GFRA1: variants seen among roughly 807,000 people sequenced by gnomAD.
GFRA1 encodes GDNF family receptor alpha-1.
GFRA1 carries 16 observed loss-of-function variants against 51.6 expected under a neutral mutation model. That is an observed-to-expected ratio of 0.31 (90% CI 0.21 to 0.47). The LOEUF is 0.47. GFRA1 is among the 20% of genes least tolerant of loss of function. GFRA1 has a pLI of 1.00. For synonymous variants in GFRA1, 270 were observed against 241.3 expected, an observed-to-expected ratio of 1.12 and a Z score of -1.10; for missense variants, 530 against 594.3, an observed-to-expected ratio of 0.89 and a Z score of 1.13.
At chr10:116,203,548 A>G (rs911396465) in intron 5 of GFRA1, among the ~76,000 whole-genome samples, 2 of 152,244 alleles carry the variant, frequency 1.3e-5, no homozygotes, top group Non-Finnish European at 2.9e-5. Context: ...GGGAAGGGAC[A>G]TCAGAGAGAG....
chr10:116,092,785 G>A (rs886442793), intron 8 of GFRA1, among the ~76,000 whole-genome samples: 2 of 150,148 alleles, frequency 1.3e-5, no homozygotes, highest in Middle Eastern at 3.4e-3. Context: ...TACAGTAAAT[G>A]AGAATGTATA....
chr10:116,167,996 G>A (rs1237742057), intron 5 of GFRA1, among the ~76,000 whole-genome samples: 4 of 152,108 alleles, frequency 2.6e-5, no homozygotes, highest in Non-Finnish European at 2.9e-5. Flanking sequence ...TGGGTACGGT[G>A]TACACTGCTT....
intron 4 of GFRA1, among the ~76,000 whole-genome samples, chr10:116,253,293 C>T (rs1277396314): frequency 6.6e-6 from 1 of 152,220 alleles, no homozygotes; most frequent in African/African-American, 2.4e-5. Flanking sequence ...GTCCAGTCAG[C>T]CAGGGCAGGC....
intron 5 of GFRA1, among the ~76,000 whole-genome samples, chr10:116,189,766 TA>T (rs1330712902): frequency 6.6e-6 from 1 of 152,240 alleles, no homozygotes; most frequent in Non-Finnish European, 1.5e-5. Context: ...TGTTATCCAG[TA>T]AAATGCTTTT....
intron 4 of GFRA1, among the ~76,000 whole-genome samples, chr10:116,214,321 T>C (rs1190989734): frequency 6.6e-6 from 1 of 152,228 alleles, no homozygotes; most frequent in Admixed American, 6.5e-5. Context: ...GTTATTTATA[T>C]AGACCATGAG....
intron 4 of GFRA1, among the ~76,000 whole-genome samples, chr10:116,240,925 T>C (rs1424622846): frequency 1.3e-5 from 2 of 152,142 alleles, no homozygotes; most frequent in Non-Finnish European, 2.9e-5. Flanking sequence ...ATCATCCCAT[T>C]TTACAGAGAA....
intron 9 of GFRA1, among the ~76,000 whole-genome samples, chr10:116,068,884 G>A (rs769083457): frequency 5.9e-5 from 9 of 152,156 alleles, no homozygotes; most frequent in Admixed American, 1.3e-4. Flanking sequence ...TGTCTCAGTT[G>A]CTGCAAATTG....
chr10:116,233,762 T>C (rs1966827158), intron 4 of GFRA1, among the ~76,000 whole-genome samples: 1 of 152,258 alleles, frequency 6.6e-6, no homozygotes, highest in Non-Finnish European at 1.5e-5. Context: ...AACTGGGCGA[T>C]GTAAATACTT....
intron 9 of GFRA1, among the ~76,000 whole-genome samples, chr10:116,072,356 G>A (rs991712383): frequency 1.3e-5 from 2 of 152,280 alleles, no homozygotes; most frequent in Middle Eastern, 3.4e-3. Flanking sequence ...GCAGGGAAAG[G>A]GACAGGTTGG....
intron 6 of GFRA1, among the ~76,000 whole-genome samples, chr10:116,107,352 C>A (rs945992086): frequency 6.6e-6 from 1 of 152,240 alleles, no homozygotes; most frequent in Admixed American, 6.5e-5. Context: ...GAGAGATGAC[C>A]ATGCTGGATG....
intron 5 of GFRA1, among the ~76,000 whole-genome samples, chr10:116,204,877 A>G (rs1345909546): frequency 3.9e-5 from 6 of 152,178 alleles, no homozygotes; most frequent in Non-Finnish European, 8.8e-5. Flanking sequence ...CACTCCTTAA[A>G]GGCAGGCTAT....
At chr10:116,186,087 G>T (rs530233508) in intron 5 of GFRA1, among the ~76,000 whole-genome samples, 23 of 152,334 alleles carry the variant, frequency 1.5e-4, no homozygotes, top group African/African-American at 5.3e-4. Context: ...CACAGGACCA[G>T]CTTGCGGCAG....
At chr10:116,085,698 T>C (rs2133854748) in intron 9 of GFRA1, among the ~76,000 whole-genome samples, 1 of 152,174 alleles carries the variant, frequency 6.6e-6, no homozygotes, top group African/African-American at 2.4e-5. Context: ...ATCCCCCCCA[T>C]CCTCTAGCCT....
chr10:116,066,372 A>G (rs146996706), intron 9 of GFRA1, among the ~76,000 whole-genome samples: 49 of 152,256 alleles, frequency 3.2e-4, no homozygotes, highest in Admixed American at 1.7e-3. Flanking sequence ...AGCAGTACAG[A>G]TACTCAATCC....
chr10:116,181,487 G>A lies in GFRA1; in HGVS notation c.433+30144C>T, dbSNP rs113016157. ...CTCAACACCTGTCCTCATGCTGGAG[G>A]ACTGAGCTTCTTAGTTTAGTTATCT... On this transcript the variant is annotated intron_variant, in intron 5 of 10. Coordinates refer to ENST00000355422, the MANE Select transcript of GFRA1 (RefSeq NM_005264.8). 2.8e-4 allele frequency among the ~76,000 whole-genome samples: 42 copies of A among 152,310 alleles called. 1 individual carries two copies. The highest frequency in any genetic ancestry group is 9.4e-4 in the African/African-American group (39 of 41,572).
intron 5 of GFRA1, among the ~76,000 whole-genome samples, chr10:116,152,873 A>C (rs1795780526): frequency 6.6e-6 from 1 of 152,228 alleles, no homozygotes; most frequent in Non-Finnish European, 1.5e-5. Flanking sequence ...TAAGCTGATG[A>C]CATTTTAGTA....
At chr10:116,244,697 T>C (rs1275405617) in intron 4 of GFRA1, among the ~76,000 whole-genome samples, 2 of 151,668 alleles carry the variant, frequency 1.3e-5, no homozygotes, top group Non-Finnish European at 2.9e-5. Flanking sequence ...AAATTGAAAA[T>C]AGGATTCCAA....
chr10:116,265,952 C>T (rs148835772), intron 4 of GFRA1, among the ~76,000 whole-genome samples: 55 of 152,252 alleles, frequency 3.6e-4, no homozygotes, highest in African/African-American at 1.3e-3. Context: ...CAGCCCTCCA[C>T]CCTCCCTCTG....
chr10:116,255,791 A>G (rs1366956101), intron 4 of GFRA1: 4 of 1,265,000 alleles, frequency 3.2e-6, no homozygotes, highest in Non-Finnish European at 4.1e-6. Context: ...CCCAGCAGCT[A>G]GCACATTCCC....
Sources: gnomAD v4.1 joint callset for allele counts (sites outside exome capture counted in the v4.1 genomes callset) on GRCh38, gnomAD v4.1.1 for gene constraint, MANE v1.5 for transcripts, NCBI Gene and HGNC (gene_info 2026-07-23, HGNC 2026-07-21) for gene names.